Variants in PTPRG observed in about 807,000 individuals in gnomAD.
The protein encoded by PTPRG is protein tyrosine phosphatase receptor type G.
In PTPRG, 102 loss-of-function variants were observed where a neutral mutation model predicts 165.3. That is an observed-to-expected ratio of 0.62 (90% CI 0.53 to 0.73). The LOEUF (loss-of-function observed/expected upper bound fraction) is 0.73, where lower values mean the gene tolerates loss of function less well. Among genes scored for constraint, PTPRG ranks in the 30% least tolerant of loss-of-function variants. The pLI is 0.00. For synonymous variants in PTPRG, 675 were observed against 669.5 expected, an observed-to-expected ratio of 1.01 and a Z score of -0.13; for missense variants, 1,866 against 1,861.4, an observed-to-expected ratio of 1.00 and a Z score of -0.05.
rs866132859 is a variant in PTPRG at position 62,167,994 on chromosome 3, C to T, written c.864C>T (p.Phe288=). ...YHQLEAFYSI[F]TTEQQDHVKS... is the part of the protein sequence containing the mutation. ...AGCTTGAGGCTTTTTATTCCATCTTCACCACGGAGCAGCAAGACCATGTCA... is the reference window on the plus strand; with the variant it reads ...AGCTTGAGGCTTTTTATTCCATCTTTACCACGGAGCAGCAAGACCATGTCA... Residue 288 remains phenylalanine, a synonymous_variant, in exon 8 of 30, where the codon TTC becomes TTT. Transcript: ENST00000474889. The T allele has an allele frequency of 9.9e-6, 16 of 1,613,450 alleles. No individual in the cohort carries two copies. The Middle Eastern group carries it at 2.4e-3, about 239-fold the overall frequency.
intron 1 of PTPRG, among the ~76,000 whole-genome samples, chr3:61,650,350 G>A (rs1246592444): frequency 6.6e-6 from 1 of 152,190 alleles, no homozygotes; most frequent in Non-Finnish European, 1.5e-5. Flanking sequence ...GTGGGAATGT[G>A]TAGTACAAGA....
intron 1 of PTPRG, among the ~76,000 whole-genome samples, chr3:61,655,579 G>T (rs935804654): frequency 3.9e-5 from 6 of 152,026 alleles, no homozygotes; most frequent in African/African-American, 1.4e-4. Context: ...CTAATGGGTG[G>T]TTGCATATTT....
chr3:61,562,276 G>C lies in PTPRG; in HGVS notation c.-12G>C. On this transcript the variant is annotated 5_prime_UTR_variant, in exon 1 of 30. Transcript: ENST00000474889. ...CTCCCTGCTTTCCTCTTTTCGATGTGCGTTTTCGGACATGCGGAGGTTACT... is the reference window on the plus strand; with the variant it reads ...CTCCCTGCTTTCCTCTTTTCGATGTCCGTTTTCGGACATGCGGAGGTTACT... The C allele has an allele frequency of 6.2e-7, 1 of 1,612,580 alleles. No homozygotes were observed. Among genetic ancestry groups the C allele is most frequent in the Non-Finnish European group, 8.5e-7 (1 of 1,178,668 alleles).
intron 1 of PTPRG, among the ~76,000 whole-genome samples, chr3:61,571,825 G>A (rs1168814096): frequency 1.3e-5 from 2 of 152,190 alleles, no homozygotes; most frequent in Admixed American, 1.3e-4. Flanking sequence ...AGGGTGTTGT[G>A]TTTGGCAAGA....
At chr3:61,878,570 T>G (rs1431899439) in intron 2 of PTPRG, among the ~76,000 whole-genome samples, 2 of 152,152 alleles carry the variant, frequency 1.3e-5, no homozygotes, top group African/African-American at 4.8e-5. Context: ...CAGGGCTCAC[T>G]GTAGCCTCAA....
rs148352398 is a variant in PTPRG, at chr3:61,887,123, CATATATATATATATATATATATATAT to C, written c.191-102479_191-102454del. Among the ~76,000 whole-genome samples, 61 of 85,946 alleles carry C rather than the reference CATATATATATATATATATATATATAT, an allele frequency of 7.1e-4. 1 individual carries two copies. The highest frequency in any genetic ancestry group is 5.1e-3 in the Middle Eastern group (1 of 198). The allele number at this position is 85,946 out of a possible 152,430, so 56.4% of individuals were successfully genotyped here. On this transcript the variant is annotated intron_variant, in intron 2 of 29. Coordinates refer to ENST00000474889, the MANE Select transcript of PTPRG (RefSeq NM_002841.4). ...ATTTTTAAAGTATAACCATAGCATG[CATATATATATATATATATATATATAT>C]ATATATATATATATATATATATTTT...
At chr3:61,843,515 A>T (rs2036712520) in intron 2 of PTPRG, among the ~76,000 whole-genome samples, 1 of 152,184 alleles carries the variant, frequency 6.6e-6, no homozygotes, top group Non-Finnish European at 1.5e-5. Context: ...ACATTCATTG[A>T]AAAGTTTTGG....
intron 1 of PTPRG, among the ~76,000 whole-genome samples, chr3:61,698,433 TC>T (rs2030738374): frequency 1.3e-5 from 2 of 152,260 alleles, no homozygotes; most frequent in South Asian, 4.1e-4. Context: ...GTGGCTTTGT[TC>T]CAATAAAACT....
intron 2 of PTPRG, among the ~76,000 whole-genome samples, chr3:61,854,993 A>AGT (rs2037060796): frequency 6.6e-6 from 1 of 152,176 alleles, no homozygotes; most frequent in African/African-American, 2.4e-5. Context: ...GCTGGTTTAT[A>AGT]GTGGTATGAA....
At chr3:61,811,580 C>T (rs1191038312) in intron 2 of PTPRG, among the ~76,000 whole-genome samples, 1 of 152,182 alleles carries the variant, frequency 6.6e-6, no homozygotes, top group East Asian at 1.9e-4. Flanking sequence ...TTGACCAAAG[C>T]TGAATTTCAT....
intron 1 of PTPRG, among the ~76,000 whole-genome samples, chr3:61,713,730 A>C (rs2031677662): frequency 6.6e-6 from 1 of 152,174 alleles, no homozygotes; most frequent in Admixed American, 6.5e-5. Context: ...TGTGTGTGGC[A>C]GGCAGCGTGT....
chr3:61,742,089 T>A (rs1352936992), intron 1 of PTPRG, among the ~76,000 whole-genome samples: 1 of 152,186 alleles, frequency 6.6e-6, no homozygotes, highest in Non-Finnish European at 1.5e-5. Flanking sequence ...GCTCTTTGTA[T>A]GAAAAATGTT....
chr3:61,802,773 C>T (rs2035287137), intron 2 of PTPRG, among the ~76,000 whole-genome samples: 1 of 151,920 alleles, frequency 6.6e-6, no homozygotes, highest in Non-Finnish European at 1.5e-5. Flanking sequence ...GTGCACATGG[C>T]CATTATGAGA....
rs370894092 is a variant in PTPRG, at chr3:61,856,866, G to A, written c.190+107884G>A. ...AGAATTAGCCCATTTTGTATGTTGGGGCACTGAACCTCAGAGGGTAAACCA... is the reference window on the plus strand; with the variant it reads ...AGAATTAGCCCATTTTGTATGTTGGAGCACTGAACCTCAGAGGGTAAACCA... On this transcript the variant is annotated intron_variant, in intron 2 of 29. Coordinates refer to ENST00000474889, the MANE Select transcript of PTPRG (RefSeq NM_002841.4). Among the ~76,000 whole-genome samples the A allele has an allele frequency of 2.0e-4, 31 of 152,196 alleles. 2 individuals are homozygous for A. The highest frequency in any genetic ancestry group is 7.5e-4 in the African/African-American group (31 of 41,516).
chr3:61,926,874 A>G (rs2039226497), intron 2 of PTPRG, among the ~76,000 whole-genome samples: 1 of 151,812 alleles, frequency 6.6e-6, no homozygotes, highest in South Asian at 2.1e-4. Context: ...TCATAGTGTT[A>G]GGAGGTTGAA....
At chr3:62,067,956 G>A (rs1023532810) in intron 4 of PTPRG, among the ~76,000 whole-genome samples, 4 of 152,152 alleles carry the variant, frequency 2.6e-5, no homozygotes, top group African/African-American at 9.7e-5. Context: ...TTTGTACTAG[G>A]ACCCTAGAGA....
chr3:61,585,025 A>G lies in PTPRG; in HGVS notation c.85+22653A>G, dbSNP rs548304538. On this transcript the variant is annotated intron_variant, in intron 1 of 29. Transcript: ENST00000474889. ...GCTGGGTGTGGTGGTTCACGCCTGT[A>G]ATCCCAGCACTTTGGGAGGCTGAGG... Among the ~76,000 whole-genome samples, 33 of 152,320 alleles carry G rather than the reference A, an allele frequency of 2.2e-4. No individual in the cohort carries two copies. The South Asian group carries it at 5.6e-3, about 26-fold the overall frequency.
chr3:62,074,455 G>A (rs1018265246), intron 4 of PTPRG, among the ~76,000 whole-genome samples: 3 of 146,270 alleles, frequency 2.1e-5, no homozygotes, highest in Non-Finnish European at 4.5e-5. Flanking sequence ...TCCTGGGCTC[G>A]AGCAATCCTC....
intron 2 of PTPRG, among the ~76,000 whole-genome samples, chr3:61,916,761 A>G (rs1379132338): frequency 6.6e-6 from 1 of 152,204 alleles, no homozygotes; most frequent in Non-Finnish European, 1.5e-5. Context: ...CCATTTTTCA[A>G]ATGAAGACAC....
Sources: gnomAD v4.1 joint callset for allele counts (sites outside exome capture counted in the v4.1 genomes callset) on GRCh38, gnomAD v4.1.1 for gene constraint, MANE v1.5 for transcripts, NCBI Gene and HGNC (gene_info 2026-07-23, HGNC 2026-07-21) for gene names.